Variants in LRRC4C observed in about 807,000 individuals in gnomAD.
LRRC4C encodes the protein leucine-rich repeat-containing protein 4C.
LRRC4C carries 5 observed loss-of-function variants against 33.6 expected under a neutral mutation model. That is an observed-to-expected ratio of 0.15 (90% confidence interval 0.08 to 0.31). LRRC4C has a LOEUF of 0.31. LRRC4C is among the 10% of genes least tolerant of loss of function. The pLI is 1.00. For synonymous variants in LRRC4C, 329 were observed against 302.0 expected (o/e 1.09, Z -0.93); for missense variants, 560 against 796.7 (o/e 0.70, Z 3.58).
intron 1 of LRRC4C, among the ~76,000 whole-genome samples, chr11:41,128,099 G>A (rs561312812): frequency 2.0e-5 from 3 of 152,084 alleles, no homozygotes; most frequent in South Asian, 2.1e-4. Flanking sequence ...TAGCTAAAAG[G>A]GAAGGCCCAT....
chr11:40,195,955 G>A (rs1590677345), intron 5 of LRRC4C, among the ~76,000 whole-genome samples: 1 of 152,150 alleles, frequency 6.6e-6, no homozygotes, highest in East Asian at 1.9e-4. Flanking sequence ...AATCTATATA[G>A]TGTCCAAAGT....
intron 1 of LRRC4C, among the ~76,000 whole-genome samples, chr11:41,433,159 A>C (rs11036401): frequency 0.062 from 9,386 of 152,162 alleles, 980 homozygotes; most frequent in African/African-American, 0.21. Context: ...TATGTGAAAC[A>C]CGAGTTTATG....
At chr11:40,553,431 T>C (rs1474706048) in intron 3 of LRRC4C, among the ~76,000 whole-genome samples, 2 of 152,318 alleles carry the variant, frequency 1.3e-5, no homozygotes, top group African/African-American at 2.4e-5. Flanking sequence ...ATCTAGATTA[T>C]TGAGGTAACA....
intron 3 of LRRC4C, among the ~76,000 whole-genome samples, chr11:40,372,130 T>A (rs980835787): frequency 1.3e-5 from 2 of 152,184 alleles, no homozygotes; most frequent in African/African-American, 4.8e-5. Flanking sequence ...ACTGAGACAT[T>A]AAACAATCTG....
At chr11:40,376,976 T>A (rs1037085538) in intron 3 of LRRC4C, among the ~76,000 whole-genome samples, 4 of 152,158 alleles carry the variant, frequency 2.6e-5, no homozygotes, top group Admixed American at 6.6e-5. Context: ...AAAAAGTACC[T>A]GTAACCACTG....
At chr11:40,916,418 C>A (rs540451206) in intron 2 of LRRC4C, among the ~76,000 whole-genome samples, 3 of 152,008 alleles carry the variant, frequency 2.0e-5, no homozygotes, top group Non-Finnish European at 2.9e-5. Context: ...GAAGCTGGAA[C>A]CCATCATTCT....
intron 1 of LRRC4C, among the ~76,000 whole-genome samples, chr11:41,292,415 TG>T (rs1202557291): frequency 2.0e-5 from 3 of 150,834 alleles, no homozygotes; most frequent in African/African-American, 7.3e-5. Flanking sequence ...TAAAAAAAAA[TG>T]TATATATATA....
intron 2 of LRRC4C, among the ~76,000 whole-genome samples, chr11:40,717,820 A>T (rs1323472783): frequency 6.6e-6 from 1 of 152,192 alleles, no homozygotes; most frequent in Non-Finnish European, 1.5e-5. Flanking sequence ...TCCAAATCCT[A>T]TGAAAACCCC....
At chr11:40,500,734 A>C (rs1399331235) in intron 3 of LRRC4C, among the ~76,000 whole-genome samples, 1 of 152,080 alleles carries the variant, frequency 6.6e-6, no homozygotes, top group Admixed American at 6.5e-5. Flanking sequence ...ATTCATGATG[A>C]GATTTGGGTG....
intron 3 of LRRC4C, among the ~76,000 whole-genome samples, chr11:40,611,732 GAC>G (rs932079784): frequency 3.3e-5 from 5 of 151,700 alleles, no homozygotes; most frequent in Non-Finnish European, 5.9e-5. Flanking sequence ...CTCAAAAAAA[GAC>G]ATACAAATGG....
intron 5 of LRRC4C, among the ~76,000 whole-genome samples, chr11:40,218,739 C>CTATCTATCTATA (rs1864185842): frequency 6.6e-6 from 1 of 151,428 alleles, no homozygotes; most frequent in Non-Finnish European, 1.5e-5. Context: ...ATCTATCTAT[C>CTATCTATCTATA]TATCCATCCA....
At chr11:40,487,017 G>T (rs540628844) in intron 3 of LRRC4C, among the ~76,000 whole-genome samples, 1 of 152,100 alleles carries the variant, frequency 6.6e-6, no homozygotes, top group South Asian at 2.1e-4. Context: ...AGCCGATAGG[G>T]TTAAGAAAAG....
chr11:40,869,747 G>A (rs1200344220), intron 2 of LRRC4C, among the ~76,000 whole-genome samples: 1 of 152,146 alleles, frequency 6.6e-6, no homozygotes, highest in Non-Finnish European at 1.5e-5. Flanking sequence ...CAAGAACCTG[G>A]AAGTTTGCCG....
intron 3 of LRRC4C, among the ~76,000 whole-genome samples, chr11:40,557,679 C>T (rs1275052609): frequency 6.7e-6 from 1 of 149,266 alleles, no homozygotes; most frequent in Non-Finnish European, 1.5e-5. Context: ...TCTATAGAGG[C>T]GTGTGTGTGT....
rs557243817 is a variant in LRRC4C, at chr11:40,946,640, C to A, written c.-495-12917G>T. 9.2e-5 allele frequency among the ~76,000 whole-genome samples: 14 copies of A among 152,284 alleles called. No individual in the cohort carries two copies. The South Asian group carries it at 2.9e-3, about 32-fold the overall frequency. ...TTTTGACTTTTTACTAATAGCCATT[C>A]TGACTGCTGCAAGATTGTCCCTTAT... is the stretch of plus-strand genomic sequence containing the variant. On this transcript the variant is annotated intron_variant, in intron 1 of 6. Coordinates refer to ENST00000528697, the MANE Select transcript of LRRC4C (RefSeq NM_001258419.2).
At chr11:40,751,077 A>C (rs1463887676) in intron 2 of LRRC4C, among the ~76,000 whole-genome samples, 1 of 139,416 alleles carries the variant, frequency 7.2e-6, no homozygotes, top group African/African-American at 2.5e-5. Context: ...TCCCTTTATG[A>C]AAAAAAAGAA....
chr11:40,655,449 A>C (rs532576472), intron 2 of LRRC4C, among the ~76,000 whole-genome samples: 1 of 152,352 alleles, frequency 6.6e-6, no homozygotes, highest in East Asian at 1.9e-4. Context: ...CAAACATGCT[A>C]TTATTAAGTC....
At chr11:41,232,908 T>C (rs1416014584) in intron 1 of LRRC4C, among the ~76,000 whole-genome samples, 2 of 152,070 alleles carry the variant, frequency 1.3e-5, no homozygotes, top group Admixed American at 1.3e-4. Flanking sequence ...TCAACACTTC[T>C]GCCAATTATA....
At chr11:40,841,411 C>G (rs1952906544) in intron 2 of LRRC4C, among the ~76,000 whole-genome samples, 1 of 152,154 alleles carries the variant, frequency 6.6e-6, no homozygotes, top group Non-Finnish European at 1.5e-5. Flanking sequence ...ATTGCTGTTG[C>G]ATTTGGAGAT....
Sources: gnomAD v4.1 joint callset for allele counts (sites outside exome capture counted in the v4.1 genomes callset) on GRCh38, gnomAD v4.1.1 for gene constraint, MANE v1.5 for transcripts, NCBI Gene and HGNC (gene_info 2026-07-23, HGNC 2026-07-21) for gene names.